The following ITPR2 variants were observed in gnomAD, a reference collection of about 807,000 sequenced individuals.
The protein encoded by ITPR2 is inositol 1,4,5-trisphosphate-gated calcium channel ITPR2.
In ITPR2, 207 loss-of-function variants were observed where a neutral mutation model predicts 317.1. That is an observed-to-expected ratio of 0.65 (90% CI 0.58 to 0.73). The LOEUF is 0.73. ITPR2 is among the 30% of genes least tolerant of loss of function. ITPR2 has a pLI of 0.00. For missense variants in ITPR2, 2,613 were observed against 3,284.0 expected (o/e 0.80, Z 4.99); for synonymous variants, 1,156 against 1,149.1 (o/e 1.01, Z -0.12).
In ITPR2 at chr12:26,704,855, A is replaced by G. The variant is rs1449260327; in HGVS notation, c.951+6318T>C. 2.0e-5 allele frequency among the ~76,000 whole-genome samples: 3 copies of G among 152,170 alleles called. No homozygotes were observed. In the East Asian group the frequency reaches 5.8e-4, roughly 29 times the overall value. ...ACAGTATGCATGGGATTTTTTTCCC[A>G]CTATGCTAGGCTCTGTCACACTGGC... On this transcript the variant is annotated intron_variant, in intron 9 of 56. Transcript: ENST00000381340.
intron 1 of ITPR2, among the ~76,000 whole-genome samples, chr12:26,818,639 G>A (rs539173917): frequency 6.6e-6 from 1 of 151,954 alleles, no homozygotes; most frequent in South Asian, 2.1e-4. Flanking sequence ...GACTTAAAAG[G>A]TCACTTAATA....
At chr12:26,700,768 A>C (rs10842781) in intron 9 of ITPR2, among the ~76,000 whole-genome samples, 124,329 of 152,104 alleles carry the variant, frequency 0.82, 51,390 homozygotes, top group Admixed American at 0.89. Flanking sequence ...GCAGTGGTCC[A>C]AGGAAGAGGT....
intron 34 of ITPR2, among the ~76,000 whole-genome samples, chr12:26,566,486 G>A (rs1212503198): frequency 7.1e-6 from 1 of 141,474 alleles, no homozygotes; most frequent in Non-Finnish European, 1.5e-5. Context: ...AGGGAGAGGA[G>A]GGAGAGGAGG....
At chr12:26,519,021 C>G (rs984934129) in intron 37 of ITPR2, among the ~76,000 whole-genome samples, 4 of 152,030 alleles carry the variant, frequency 2.6e-5, no homozygotes, top group Non-Finnish European at 5.9e-5. Context: ...GGACCATTTT[C>G]ATGTAATAAA....
intron 9 of ITPR2, among the ~76,000 whole-genome samples, chr12:26,700,899 C>T (rs970132404): frequency 2.6e-5 from 4 of 152,184 alleles, no homozygotes; most frequent in Admixed American, 6.5e-5. Flanking sequence ...AACCGTTTAT[C>T]ATGACTCTCA....
intron 37 of ITPR2, among the ~76,000 whole-genome samples, chr12:26,536,767 A>T (rs1480447887): frequency 6.6e-6 from 1 of 152,242 alleles, no homozygotes; most frequent in Non-Finnish European, 1.5e-5. Flanking sequence ...GTCACCCCTG[A>T]TGATGGCAGT....
At chr12:26,395,460 C>T (rs1286811384) in intron 54 of ITPR2, among the ~76,000 whole-genome samples, 6 of 152,082 alleles carry the variant, frequency 3.9e-5, no homozygotes, top group Non-Finnish European at 1.5e-5. Flanking sequence ...GCTTACGTTG[C>T]TGTTCATGTT....
chr12:26,439,946 C>T (rs1941445915), intron 46 of ITPR2, among the ~76,000 whole-genome samples: 1 of 150,862 alleles, frequency 6.6e-6, no homozygotes, highest in South Asian at 2.1e-4. Context: ...TAAAAAAAGG[C>T]TGAATATTTT....
At chr12:26,410,306 G>A (rs1266666824) in intron 52 of ITPR2, among the ~76,000 whole-genome samples, 1 of 152,180 alleles carries the variant, frequency 6.6e-6, no homozygotes, top group Non-Finnish European at 1.5e-5. Context: ...GCTGCCCACA[G>A]TGCCTATGGC....
chr12:26,758,042 C>T (rs1405057093), intron 2 of ITPR2, among the ~76,000 whole-genome samples: 1 of 152,112 alleles, frequency 6.6e-6, no homozygotes, highest in Non-Finnish European at 1.5e-5. Context: ...AGTAACTGTC[C>T]AAATTACTAA....
intron 55 of ITPR2, among the ~76,000 whole-genome samples, chr12:26,343,346 A>C (rs1938198109): frequency 6.6e-6 from 1 of 152,180 alleles, no homozygotes; most frequent in African/African-American, 2.4e-5. Flanking sequence ...AGGAAATGAA[A>C]ATTTTGGGGT....
chr12:26,571,982 T>C (rs941528956), intron 34 of ITPR2, among the ~76,000 whole-genome samples: 2 of 152,228 alleles, frequency 1.3e-5, no homozygotes, highest in Non-Finnish European at 2.9e-5. Context: ...CTATAATTGA[T>C]CTTTACATTG....
chr12:26,481,352 G>C, intron 42 of ITPR2, 111 bp from the exon 43 acceptor site: 1 of 625,050 alleles, frequency 1.6e-6, no homozygotes, highest in Non-Finnish European at 2.8e-6. Context: ...TTAAAAAATA[G>C]GTAAGATTTA....
At chr12:26,496,005 C>T (rs140945571) in intron 37 of ITPR2, among the ~76,000 whole-genome samples, 178 of 152,240 alleles carry the variant, frequency 1.2e-3, no homozygotes, top group Non-Finnish European at 2.0e-3. Flanking sequence ...GTACTGACTA[C>T]AGGACATTTT....
rs771695332 is a variant in ITPR2, at chr12:26,494,156, T to G, written c.5367A>C (p.Thr1789=). ...CCCATGATTGATGAACAAGTACCTG[T>G]GTTTGTGTATTTCCTCCTTCAAGCA... ...IALLEGGNTQ[T]QYSFYQQLHE... The change falls in exon 39 of 57, where the codon ACA becomes ACC. Residue 1789 remains threonine (T), a synonymous_variant. Transcript: ENST00000381340. 1.2e-6 allele frequency: 2 copies of G among 1,608,976 alleles called. No individual in the cohort carries two copies. The highest frequency in any genetic ancestry group is 1.7e-6 in the Non-Finnish European group (2 of 1,177,102).
At chr12:26,730,645 T>C (rs1020984557) in intron 2 of ITPR2, among the ~76,000 whole-genome samples, 25 of 152,208 alleles carry the variant, frequency 1.6e-4, no homozygotes, top group African/African-American at 5.8e-4. Flanking sequence ...ACCAGACATA[T>C]GTTCAGTCAG....
chr12:26,356,156 C>G (rs891162340), intron 55 of ITPR2, among the ~76,000 whole-genome samples: 2 of 152,298 alleles, frequency 1.3e-5, no homozygotes, highest in Admixed American at 1.3e-4. Context: ...CTTGCTGACT[C>G]TGGGAACTGG....
rs199935007 is a variant in ITPR2 at position 26,599,962 on chromosome 12, T to C, written c.3801+25A>G. 3.3e-4 allele frequency: 515 copies of C among 1,556,066 alleles called. 3 individuals are homozygous for C. Among genetic ancestry groups the C allele is most frequent in the Middle Eastern group, 1.4e-3 (8 of 5,522 alleles). ...AATTTGATGCACACTTTACTAGAAA[T>C]ACTAGAAGCCACTAAAATACTTACA... On this transcript the variant is annotated intron_variant, in intron 29 of 56. Coordinates refer to ENST00000381340, the MANE Select transcript of ITPR2 (RefSeq NM_002223.4).
At chr12:26,675,372 A>C (rs1466049455) in intron 13 of ITPR2, among the ~76,000 whole-genome samples, 5 of 152,372 alleles carry the variant, frequency 3.3e-5, no homozygotes, top group African/African-American at 1.2e-4. Context: ...TAGCCATAAA[A>C]AATGATGAGT....
Sources: allele counts gnomAD v4.1 joint callset (sites outside exome capture counted in the v4.1 genomes callset), GRCh38; gene constraint gnomAD v4.1.1; transcripts MANE v1.5; gene names NCBI Gene and HGNC (gene_info 2026-07-23, HGNC 2026-07-21).